ADGRL3: variants seen among roughly 807,000 people sequenced by gnomAD.
ADGRL3 encodes calcium-independent alpha-latrotoxin receptor 3.
A neutral mutation model predicts 153.5 loss-of-function variants in ADGRL3; 62 were observed. That is an observed-to-expected ratio of 0.40 (90% CI 0.33 to 0.50). The LOEUF is 0.50. Among genes scored for constraint, ADGRL3 ranks in the 20% least tolerant of loss-of-function variants. The pLI is 0.47. For synonymous variants in ADGRL3, 710 were observed against 672.5 expected, an observed-to-expected ratio of 1.06 and a Z score of -0.86; for missense variants, 1,641 against 1,859.4, an observed-to-expected ratio of 0.88 and a Z score of 2.16.
intron 5 of ADGRL3, among the ~76,000 whole-genome samples, chr4:61,601,515 G>A (rs1446673752): frequency 6.6e-6 from 1 of 152,048 alleles, no homozygotes; most frequent in Admixed American, 6.5e-5. Context: ...CATAGTTTTG[G>A]GAACAAGTTT....
At chr4:61,936,768 A>G (rs2098840381) in intron 15 of ADGRL3, among the ~76,000 whole-genome samples, 1 of 137,046 alleles carries the variant, frequency 7.3e-6, no homozygotes, top group Admixed American at 7.7e-5. Context: ...ATTTGTACAT[A>G]TGTACATATG....
intron 17 of ADGRL3, among the ~76,000 whole-genome samples, chr4:61,969,027 T>A (rs2099016933): frequency 6.6e-6 from 1 of 152,062 alleles, no homozygotes; most frequent in African/African-American, 2.4e-5. Flanking sequence ...ATTCAACGTA[T>A]CATTTGATAT....
intron 2 of ADGRL3, among the ~76,000 whole-genome samples, chr4:61,469,114 T>C (rs1203636846): frequency 6.6e-6 from 1 of 152,050 alleles, no homozygotes; most frequent in Non-Finnish European, 1.5e-5. Context: ...ATATACTTAA[T>C]TGACTCCTAC....
intron 8 of ADGRL3, among the ~76,000 whole-genome samples, chr4:61,804,844 C>A (rs1009927164): frequency 1.3e-5 from 2 of 152,082 alleles, no homozygotes; most frequent in African/African-American, 4.8e-5. Context: ...TATCTTAGAG[C>A]CTTCCTTGCG....
At chr4:61,492,118 A>G (rs1015338869) in intron 2 of ADGRL3, among the ~76,000 whole-genome samples, 11 of 152,206 alleles carry the variant, frequency 7.2e-5, no homozygotes, top group Non-Finnish European at 1.5e-5. Flanking sequence ...CCAATTCACC[A>G]TTACAATAAT....
intron 2 of ADGRL3, among the ~76,000 whole-genome samples, chr4:61,405,808 A>G (rs1256981768): frequency 1.3e-5 from 2 of 151,960 alleles, no homozygotes; most frequent in African/African-American, 4.8e-5. Context: ...AATAATTAAC[A>G]TTACTCTGCG....
At chr4:61,220,404 T>C (rs1161359286) in intron 1 of ADGRL3, among the ~76,000 whole-genome samples, 1 of 152,164 alleles carries the variant, frequency 6.6e-6, no homozygotes, top group Non-Finnish European at 1.5e-5. Context: ...GACTGCCACA[T>C]AGCAGCTATG....
intron 4 of ADGRL3, among the ~76,000 whole-genome samples, chr4:61,550,184 T>C (rs1018189336): frequency 1.3e-5 from 2 of 149,040 alleles, no homozygotes; most frequent in Admixed American, 6.6e-5. Context: ...ATTCAGATAG[T>C]ATATTCATCT....
At chr4:61,891,855 A>G (rs532708806) in intron 9 of ADGRL3, among the ~76,000 whole-genome samples, 2 of 152,330 alleles carry the variant, frequency 1.3e-5, no homozygotes, top group South Asian at 4.1e-4. Context: ...GAGAAAGATG[A>G]TTCTTTGCAG....
At chr4:61,556,298 G>A (rs1236324855) in intron 4 of ADGRL3, among the ~76,000 whole-genome samples, 1 of 152,082 alleles carries the variant, frequency 6.6e-6, no homozygotes, top group Non-Finnish European at 1.5e-5. Flanking sequence ...TGACTTCTGA[G>A]CAATGGCATA....
At chr4:61,488,364 C>G (rs1373056546) in intron 2 of ADGRL3, among the ~76,000 whole-genome samples, 3 of 151,938 alleles carry the variant, frequency 2.0e-5, no homozygotes, top group African/African-American at 7.2e-5. Context: ...GCCAGTGTTT[C>G]AGATGATGTG....
intron 1 of ADGRL3, among the ~76,000 whole-genome samples, chr4:61,254,571 T>C (rs1370781856): frequency 6.6e-6 from 1 of 152,160 alleles, no homozygotes; most frequent in Non-Finnish European, 1.5e-5. Flanking sequence ...CTGTTGTGAA[T>C]CACTTACCCT....
intron 4 of ADGRL3, among the ~76,000 whole-genome samples, chr4:61,574,304 T>C (rs150324350): frequency 6.6e-6 from 1 of 152,038 alleles, no homozygotes; most frequent in Non-Finnish European, 1.5e-5. Context: ...CCAGCATAAA[T>C]AAATAGAATA....
intron 8 of ADGRL3, 126 bp downstream of exon 8, chr4:61,733,680 T>G: frequency 2.9e-6 from 2 of 701,256 alleles, no homozygotes; most frequent in Middle Eastern, 3.8e-4. Flanking sequence ...AATTGTTCTT[T>G]GTCTTTGCAT....
chr4:61,917,022 A>T (rs180760490), intron 13 of ADGRL3, among the ~76,000 whole-genome samples: 11 of 152,318 alleles, frequency 7.2e-5, no homozygotes, highest in African/African-American at 2.4e-4. Flanking sequence ...TGTGCAGAGC[A>T]ATTAGAATAC....
At chr4:61,409,337 CAT>C (rs1374205289) in intron 2 of ADGRL3, among the ~76,000 whole-genome samples, 1 of 111,784 alleles carries the variant, frequency 8.9e-6, no homozygotes, top group Non-Finnish European at 1.8e-5. Flanking sequence ...ATATATTAGA[CAT>C]ATATAATAGA....
At chr4:61,836,474 G>A (rs1179881741) in intron 9 of ADGRL3, among the ~76,000 whole-genome samples, 2 of 151,956 alleles carry the variant, frequency 1.3e-5, no homozygotes, top group African/African-American at 4.8e-5. Context: ...AATGTTAAAT[G>A]GTTGATATGA....
intron 11 of ADGRL3, among the ~76,000 whole-genome samples, chr4:61,898,904 A>G (rs534521206): frequency 5.7e-4 from 86 of 152,208 alleles, no homozygotes; most frequent in African/African-American, 2.0e-3. Flanking sequence ...GGAGTGAGCC[A>G]CCATGCCCCA....
intron 8 of ADGRL3, among the ~76,000 whole-genome samples, chr4:61,747,835 A>G (rs540662284): frequency 3.3e-5 from 5 of 151,980 alleles, no homozygotes; most frequent in Non-Finnish European, 5.9e-5. Flanking sequence ...CCTACTCAAC[A>G]TAGTGTTGGA....
Sources: allele counts gnomAD v4.1 joint callset (sites outside exome capture counted in the v4.1 genomes callset), GRCh38; gene constraint gnomAD v4.1.1; transcripts MANE v1.5; gene names NCBI Gene and HGNC (gene_info 2026-07-23, HGNC 2026-07-21).